The following CMC1 variants were observed in gnomAD, a reference collection of about 807,000 sequenced individuals.
CMC1 encodes C-X9-C motif containing 1.
Under a neutral mutation model 14.1 loss-of-function variants are expected in CMC1, and 14 were observed. The observed-to-expected ratio is 0.99, with a 90% CI of 0.66 to 1.55. CMC1 has a LOEUF of 1.55. Among genes scored for constraint, CMC1 ranks in the 40% most tolerant of loss-of-function variants. The probability of loss-of-function intolerance (pLI) is 0.00; values close to 1 mark genes in which losing one functional copy is unlikely to be tolerated. For missense variants in CMC1, 127 were observed against 123.8 expected, an observed-to-expected ratio of 1.03 and a Z score of -0.12; for synonymous variants, 50 against 38.4, an observed-to-expected ratio of 1.30 and a Z score of -1.12.
chr3:28,241,826 A>G lies in CMC1; in HGVS notation c.19+14A>G. On this transcript the variant is annotated intron_variant, in intron 1 of 3. Transcript: ENST00000466830. Reference sequence around the variant, plus strand: ...TCGACCCCGCAGGTACCGGGGCGGGAAGCGGGGTTTGCCGAGGGGCCTCGC... The same window carrying G: ...TCGACCCCGCAGGTACCGGGGCGGGGAGCGGGGTTTGCCGAGGGGCCTCGC... 1 of 1,238,138 alleles carries G rather than the reference A, an allele frequency of 8.1e-7. No individual in the cohort carries two copies. Among genetic ancestry groups the G allele is most frequent in the Non-Finnish European group, 1.0e-6 (1 of 988,026 alleles). 76.7% of individuals were successfully genotyped at this position (1,238,138 alleles called of 1,614,324 possible).
intron 2 of CMC1, among the ~76,000 whole-genome samples, chr3:28,305,378 C>T (rs1358667877): frequency 6.6e-6 from 1 of 152,096 alleles, no homozygotes; most frequent in East Asian, 1.9e-4. Context: ...AGTAGTGCCG[C>T]AATAAACATA....
chr3:28,274,090 T>C (rs761421590), intron 2 of CMC1, among the ~76,000 whole-genome samples: 1 of 151,968 alleles, frequency 6.6e-6, no homozygotes, highest in Non-Finnish European at 1.5e-5. Flanking sequence ...CCCATTTACA[T>C]TTAAGGTTAA....
chr3:28,266,968 T>C (rs1478226801), intron 2 of CMC1, among the ~76,000 whole-genome samples: 2 of 152,122 alleles, frequency 1.3e-5, no homozygotes, highest in African/African-American at 4.8e-5. Flanking sequence ...GCTTTCTTAC[T>C]TCCTCCCACT....
intron 2 of CMC1, among the ~76,000 whole-genome samples, chr3:28,285,985 T>C (rs187571784): frequency 7.0e-4 from 106 of 152,122 alleles, no homozygotes; most frequent in African/African-American, 2.3e-3. Context: ...CAGAATGGCC[T>C]TGATCTCCTG....
chr3:28,289,260 T>C (rs1356761087), intron 2 of CMC1, among the ~76,000 whole-genome samples: 2 of 151,948 alleles, frequency 1.3e-5, no homozygotes, highest in African/African-American at 4.8e-5. Context: ...AAGAATTTTG[T>C]GTAGCAAATA....
At chr3:28,249,686 C>G (rs1301717825) in intron 1 of CMC1, among the ~76,000 whole-genome samples, 1 of 152,168 alleles carries the variant, frequency 6.6e-6, no homozygotes, top group Non-Finnish European at 1.5e-5. Flanking sequence ...TTGGGTACAG[C>G]CAGGGTTGAG....
At chr3:28,280,586 A>T (rs1700835819) in intron 2 of CMC1, among the ~76,000 whole-genome samples, 1 of 152,178 alleles carries the variant, frequency 6.6e-6, no homozygotes, top group East Asian at 1.9e-4. Context: ...AAAAATTCAT[A>T]AATGTGGCTA....
intron 1 of CMC1, among the ~76,000 whole-genome samples, chr3:28,248,734 A>G (rs1211516806): frequency 2.0e-5 from 3 of 152,174 alleles, no homozygotes; most frequent in African/African-American, 4.8e-5. Context: ...GTGCCCAAAT[A>G]AAACTATTGA....
intron 2 of CMC1, among the ~76,000 whole-genome samples, chr3:28,280,979 A>G (rs1490541128): frequency 6.6e-6 from 1 of 152,208 alleles, no homozygotes; most frequent in Non-Finnish European, 1.5e-5. Context: ...TTCACACTAC[A>G]GCAGTAGAGT....
intron 2 of CMC1, among the ~76,000 whole-genome samples, chr3:28,300,945 C>G (rs1240024654): frequency 7.1e-6 from 1 of 140,638 alleles, no homozygotes; most frequent in Non-Finnish European, 1.5e-5. Flanking sequence ...TGCACACCCC[C>G]CAAACACAGA....
intron 1 of CMC1, among the ~76,000 whole-genome samples, chr3:28,259,031 G>A (rs1429452106): frequency 6.6e-6 from 1 of 152,024 alleles, no homozygotes; most frequent in Non-Finnish European, 1.5e-5. Flanking sequence ...ACTTGTAATC[G>A]GGTAGTTGCT....
chr3:28,310,098 C>G (rs1241293533), intron 2 of CMC1, among the ~76,000 whole-genome samples: 2 of 152,212 alleles, frequency 1.3e-5, no homozygotes, highest in African/African-American at 2.4e-5. Flanking sequence ...ACTGTTCCCT[C>G]TCTTCATTTG....
chr3:28,257,854 G>A (rs1699499585), intron 1 of CMC1, among the ~76,000 whole-genome samples: 1 of 151,946 alleles, frequency 6.6e-6, no homozygotes, highest in Admixed American at 6.6e-5. Context: ...ACCTAGGAGT[G>A]GAACATATTT....
chr3:28,275,515 G>A (rs2125500914), intron 2 of CMC1, among the ~76,000 whole-genome samples: 1 of 151,884 alleles, frequency 6.6e-6, no homozygotes, highest in Admixed American at 6.6e-5. Context: ...TCTCAGAGGG[G>A]CACCGACCTG....
At chr3:28,314,171 G>T (rs1249527120) in intron 2 of CMC1, among the ~76,000 whole-genome samples, 1 of 152,128 alleles carries the variant, frequency 6.6e-6, no homozygotes, top group Non-Finnish European at 1.5e-5. Flanking sequence ...TTTTATTTGG[G>T]ATCGTAGTCT....
intron 1 of CMC1, among the ~76,000 whole-genome samples, chr3:28,244,887 G>GTT (rs34300975): frequency 2.8e-5 from 4 of 142,914 alleles, no homozygotes; most frequent in African/African-American, 7.7e-5. Context: ...AAGTAGGAAG[G>GTT]TTTTTTTTTT....
At chr3:28,316,783 C>T (rs1702948854) in intron 3 of CMC1, 1 of 157,386 alleles carries the variant, frequency 6.4e-6, no homozygotes, top group South Asian at 2.0e-4. Context: ...CTGAGACTTC[C>T]TCCAGCCTTG....
intron 2 of CMC1, among the ~76,000 whole-genome samples, chr3:28,280,599 C>T (rs1355149031): frequency 6.6e-6 from 1 of 152,114 alleles, no homozygotes; most frequent in African/African-American, 2.4e-5. Context: ...TGTGGCTACT[C>T]TCTTACTTAG....
chr3:28,316,295 T>C, intron 2 of CMC1, 38 bp from the exon 3 acceptor site: 1 of 1,067,508 alleles, frequency 9.4e-7, no homozygotes, highest in African/African-American at 1.6e-5. Flanking sequence ...TATATAGATA[T>C]AATTACAAGT....
Sources: gnomAD v4.1 joint callset for allele counts (sites outside exome capture counted in the v4.1 genomes callset) on GRCh38, gnomAD v4.1.1 for gene constraint, MANE v1.5 for transcripts, NCBI Gene and HGNC (gene_info 2026-07-23, HGNC 2026-07-21) for gene names.